Variants in GSE1 observed in about 807,000 individuals in gnomAD.
GSE1 encodes the protein genetic suppressor element 1.
In GSE1, 32 loss-of-function variants were observed where a neutral mutation model predicts 112.6. That is an observed-to-expected ratio of 0.28 (90% CI 0.21 to 0.38). GSE1 has a LOEUF of 0.38. Ranked by LOEUF, GSE1 falls within the 10% of genes least tolerant of loss-of-function variation. GSE1 has a pLI of 1.00. For missense variants in GSE1, 2,348 were observed against 1,699.2 expected (o/e 1.38, Z -6.71); for synonymous variants, 1,115 against 735.6 (o/e 1.52, Z -8.35).
chr16:85,207,196 T>G (rs2075133570), intron 1 of GSE1, among the ~76,000 whole-genome samples: 1 of 152,188 alleles, frequency 6.6e-6, no homozygotes, highest in Middle Eastern at 3.4e-3. Context: ...GACCCCCCCG[T>G]CCTCCCAAGG....
chr16:85,413,664 C>T (rs533375555), intron 2 of GSE1, among the ~76,000 whole-genome samples: 9 of 152,052 alleles, frequency 5.9e-5, no homozygotes, highest in African/African-American at 2.2e-4. Context: ...AAACTGACCC[C>T]CAAACAGCAA....
intron 1 of GSE1, among the ~76,000 whole-genome samples, chr16:85,277,884 G>A (rs965573398): frequency 2.6e-5 from 4 of 152,220 alleles, no homozygotes; most frequent in African/African-American, 9.6e-5. Flanking sequence ...GCCTGGGACT[G>A]GCCTGTGGAT....
rs191487077 is a variant in GSE1 at position 85,488,216 on chromosome 16, T to G, written c.2464+130573T>G. Among the ~76,000 whole-genome samples the G allele has an allele frequency of 2.6e-5, 4 of 152,318 alleles. No individual in the cohort carries two copies. In the East Asian group the frequency reaches 7.7e-4, roughly 29 times the overall value. ...GGGCCCTGCTGCCTCATCTTCTTCT[T>G]GGTCCTTCCAGCTCTTCAGTTTCCC... On this transcript the variant is annotated intron_variant, in intron 2 of 2. Transcript: ENST00000637419.
intron 2 of GSE1, among the ~76,000 whole-genome samples, chr16:85,500,131 C>T (rs1371443068): frequency 1.3e-5 from 2 of 152,350 alleles, no homozygotes; most frequent in East Asian, 1.9e-4. Context: ...ATATCATCAT[C>T]CCCAATATTG....
intron 2 of GSE1, among the ~76,000 whole-genome samples, chr16:85,458,609 C>T (rs975021202): frequency 7.2e-5 from 11 of 152,230 alleles, no homozygotes; most frequent in Non-Finnish European, 1.2e-4. Flanking sequence ...GGGGCTTCCA[C>T]ATTGCGGGTG....
intron 2 of GSE1, among the ~76,000 whole-genome samples, chr16:85,374,262 T>G (rs771245050): frequency 6.6e-6 from 1 of 151,648 alleles, no homozygotes; most frequent in Non-Finnish European, 1.5e-5. Context: ...TGGTCCTCGG[T>G]GTGCAGTGTG....
rs1037981248 is a variant in GSE1, at chr16:85,397,714, A to G, written c.2464+40071A>G. On this transcript the variant is annotated intron_variant, in intron 2 of 2. Coordinates refer to the GSE1 transcript ENST00000637419. ...GGACGCGCGTCAGCCTCACACCTGC[A>G]TCGCCTTTGCCCCGCTTCCCTGGGG... Among the ~76,000 whole-genome samples the G allele has an allele frequency of 2.6e-5, 4 of 152,210 alleles. 1 individual carries two copies. The highest frequency in any genetic ancestry group is 6.3e-3 in the Middle Eastern group (2 of 316).
intron 2 of GSE1, among the ~76,000 whole-genome samples, chr16:85,399,924 C>A (rs1403010232): frequency 6.6e-6 from 1 of 152,232 alleles, no homozygotes; most frequent in Non-Finnish European, 1.5e-5. Flanking sequence ...CCCCAGGCCA[C>A]TGCACACCCA....
intron 2 of GSE1, among the ~76,000 whole-genome samples, chr16:85,482,320 G>A (rs560986791): frequency 6.6e-5 from 10 of 152,358 alleles, no homozygotes; most frequent in African/African-American, 2.4e-4. Context: ...TCGCACTTGC[G>A]TGCTTCCTGG....
Position 85,307,646 on chromosome 16 carries a change from C to T in GSE1, c.2284-49817C>T, listed in dbSNP as rs923304460. Among the ~76,000 whole-genome samples, 32 of 152,296 alleles carry T rather than the reference C, an allele frequency of 2.1e-4. 1 individual carries two copies. Among genetic ancestry groups the T allele is most frequent in the South Asian group, 6.2e-4 (3 of 4,826 alleles). ...CCAACCAGGGACGCTCCGCCAGCCT[C>T]GGTGTCCAGAGTCTTTGCTGGGCCT... On this transcript the variant is annotated intron_variant, in intron 1 of 2. Coordinates refer to the GSE1 transcript ENST00000637419.
At chr16:85,634,871 G>T (rs2049854782) in intron 2 of GSE1, among the ~76,000 whole-genome samples, 1 of 152,188 alleles carries the variant, frequency 6.6e-6, no homozygotes, top group Non-Finnish European at 1.5e-5. Context: ...ATGGGGAGGG[G>T]CAGTGGGCGG....
At chr16:85,358,995 C>T (rs1232752067) in intron 2 of GSE1, among the ~76,000 whole-genome samples, 2 of 152,222 alleles carry the variant, frequency 1.3e-5, no homozygotes, top group Admixed American at 6.5e-5. Context: ...GCCTGGCTCA[C>T]GGGGCAGATG....
chr16:85,346,535 G>A (rs1479252989), intron 1 of GSE1, among the ~76,000 whole-genome samples: 3 of 151,676 alleles, frequency 2.0e-5, no homozygotes, highest in African/African-American at 7.3e-5. Context: ...ATGGGTGGAT[G>A]ATAGGCGGGT....
intron 2 of GSE1, among the ~76,000 whole-genome samples, chr16:85,415,619 C>T (rs961632191): frequency 2.6e-5 from 4 of 152,244 alleles, no homozygotes; most frequent in South Asian, 4.1e-4. Flanking sequence ...CTGCTGACCC[C>T]GTGATCGGGA....
intron 1 of GSE1, among the ~76,000 whole-genome samples, chr16:85,300,135 C>T (rs1243560340): frequency 2.0e-5 from 3 of 151,988 alleles, no homozygotes; most frequent in Non-Finnish European, 1.5e-5. Context: ...CCTCAGCCTC[C>T]CGAGTAGCTG....
chr16:85,195,660 A>G (rs2074912655), intron 1 of GSE1, among the ~76,000 whole-genome samples: 1 of 152,172 alleles, frequency 6.6e-6, no homozygotes, highest in African/African-American at 2.4e-5. Context: ...TGCACCATTG[A>G]GGATGACCAC....
chr16:85,414,902 C>G (rs1034795328), intron 2 of GSE1, among the ~76,000 whole-genome samples: 2 of 152,208 alleles, frequency 1.3e-5, no homozygotes, highest in African/African-American at 4.8e-5. Context: ...TCCCAAAGTG[C>G]TGGGATCACA....
intron 15 of GSE1, 74 bp from the exon 16 acceptor site, chr16:85,672,331 G>GCATGTTTGTACTCTA: frequency 9.1e-7 from 1 of 1,101,556 alleles, no homozygotes; most frequent in Non-Finnish European, 1.4e-6. Flanking sequence ...CTTCCATCCA[G>GCATGTTTGTACTCTA]CATGTTTGTA....
intron 1 of GSE1, chr16:85,171,868 G>A: frequency 1.1e-6 from 1 of 883,822 alleles, no homozygotes; most frequent in African/African-American, 1.8e-5. Context: ...AGGGAAGGGA[G>A]AGATGTTTTC....
Sources: allele counts gnomAD v4.1 joint callset (sites outside exome capture counted in the v4.1 genomes callset), GRCh38; gene constraint gnomAD v4.1.1; transcripts MANE v1.5; gene names NCBI Gene and HGNC (gene_info 2026-07-23, HGNC 2026-07-21).